The following SLC38A9 variants were observed in gnomAD, a reference collection of about 807,000 sequenced individuals.
SLC38A9 encodes the protein solute carrier family 38 member 9, also known as neutral amino acid transporter 9.
A neutral mutation model predicts 62.3 loss-of-function variants in SLC38A9; 48 were observed. The observed-to-expected ratio is 0.77, with a 90% CI of 0.61 to 0.98. The LOEUF is 0.98. Among genes scored for constraint, SLC38A9 ranks in the 50% least tolerant of loss-of-function variants. The probability of loss-of-function intolerance (pLI) is 0.00; values close to 1 mark genes in which losing one functional copy is unlikely to be tolerated. For missense variants in SLC38A9, 541 were observed against 679.8 expected, an observed-to-expected ratio of 0.80 and a Z score of 2.27; for synonymous variants, 204 against 227.7, an observed-to-expected ratio of 0.90 and a Z score of 0.94.
intron 10 of SLC38A9, among the ~76,000 whole-genome samples, chr5:55,651,032 C>G (rs1364428324): frequency 6.6e-6 from 1 of 152,054 alleles, no homozygotes; most frequent in East Asian, 1.9e-4. Flanking sequence ...CTCAGGTGAT[C>G]TGCCTGCCTC....
At chr5:55,690,891 TTC>T (rs1180557378) in intron 3 of SLC38A9, among the ~76,000 whole-genome samples, 91 of 152,368 alleles carry the variant, frequency 6.0e-4, no homozygotes, top group African/African-American at 2.1e-3. Flanking sequence ...AATCCTTTTA[TTC>T]TCTCAAATTC....
intron 3 of SLC38A9, chr5:55,692,828 G>T: frequency 1.0e-6 from 1 of 983,400 alleles, no homozygotes. Flanking sequence ...ATTCAAGTCA[G>T]CATTCATTAG....
intron 12 of SLC38A9, among the ~76,000 whole-genome samples, chr5:55,641,154 T>C (rs924875625): frequency 6.6e-6 from 1 of 152,212 alleles, no homozygotes; most frequent in African/African-American, 2.4e-5. Context: ...TCTTTTAAAG[T>C]ACATTGCAAT....
rs74474359 is a variant in SLC38A9 at position 55,652,865 on chromosome 5, T to C, written c.758-142A>G. 2,557 of 575,012 alleles carry C rather than the reference T, an allele frequency of 4.4e-3. 55 individuals are homozygous for C. Among genetic ancestry groups the C allele is most frequent in the African/African-American group, 0.043 (2,342 of 54,430 alleles). 35.6% of individuals were successfully genotyped at this position (575,012 alleles called of 1,614,324 possible). On this transcript the variant is annotated intron_variant, in intron 9 of 15. Coordinates refer to ENST00000396865, the MANE Select transcript of SLC38A9 (RefSeq NM_173514.4). The stretch of plus-strand genomic sequence containing the variant: ...CCTAGGAGCCTAAATTTCTCTTTTC[T>C]GGAAAAAATAGAGGGTTAATTTTAG...
At chr5:55,675,058 A>G (rs1751888250) in intron 3 of SLC38A9, among the ~76,000 whole-genome samples, 1 of 152,258 alleles carries the variant, frequency 6.6e-6, no homozygotes, top group African/African-American at 2.4e-5. Context: ...GTCATGGATT[A>G]CCAAAAGAGA....
At chr5:55,677,948 G>GTGTGTGTGTGTGTGTGTA (rs1752381784) in intron 3 of SLC38A9, among the ~76,000 whole-genome samples, 1 of 148,976 alleles carries the variant, frequency 6.7e-6, no homozygotes. Flanking sequence ...GTGTGTGTGT[G>GTGTGTGTGTGTGTGTGTA]TGTGTGTGTG....
In SLC38A9 at chr5:55,671,470, A is replaced by G. The variant is rs116141464; in HGVS notation, c.246+1093T>C. ...GAATAATGCTAAATAAGAAACTACT[A>G]TATTTATGTGTACATATTTCAGTTT... On this transcript the variant is annotated intron_variant, in intron 4 of 15. Coordinates refer to ENST00000396865, the MANE Select transcript of SLC38A9 (RefSeq NM_173514.4). Among the ~76,000 whole-genome samples, 283 of 149,756 alleles carry G rather than the reference A, an allele frequency of 1.9e-3. 1 individual carries two copies. Among genetic ancestry groups the G allele is most frequent in the African/African-American group, 6.6e-3 (272 of 40,912 alleles).
chr5:55,686,966 T>C (rs972299687), intron 3 of SLC38A9, among the ~76,000 whole-genome samples: 2 of 152,122 alleles, frequency 1.3e-5, no homozygotes, highest in Non-Finnish European at 2.9e-5. Flanking sequence ...TCCTGTTCCA[T>C]TGGTCTGTGG....
At chr5:55,651,960 C>CAA (rs757551549) in intron 10 of SLC38A9, among the ~76,000 whole-genome samples, 1,516 of 84,076 alleles carry the variant, frequency 0.018, 15 homozygotes, top group Middle Eastern at 0.029. Context: ...ATTCATGTCT[C>CAA]AAAAAAAAAA....
intron 3 of SLC38A9, among the ~76,000 whole-genome samples, 174 bp downstream of exon 3, chr5:55,697,672 A>ACC (rs112849272): frequency 1.4e-5 from 2 of 146,718 alleles, no homozygotes; most frequent in Admixed American, 1.4e-4. Context: ...AAAAAAAAAA[A>ACC]AAATATAAAC....
chr5:55,707,251 G>T (rs1312234394), intron 2 of SLC38A9, among the ~76,000 whole-genome samples: 1 of 152,154 alleles, frequency 6.6e-6, no homozygotes, highest in South Asian at 2.1e-4. Context: ...TGATGACTTA[G>T]GTTGAGAGGT....
intron 7 of SLC38A9, among the ~76,000 whole-genome samples, chr5:55,665,981 A>T (rs899674042): frequency 1.3e-5 from 2 of 152,216 alleles, no homozygotes; most frequent in Non-Finnish European, 2.9e-5. Flanking sequence ...AAATATTTTT[A>T]GAAGAGTATT....
At chr5:55,636,532 T>G (rs1379166468) in intron 12 of SLC38A9, among the ~76,000 whole-genome samples, 2 of 152,218 alleles carry the variant, frequency 1.3e-5, no homozygotes, top group Non-Finnish European at 2.9e-5. Context: ...CAAAAATTAC[T>G]CTGAAAGCTA....
At chr5:55,679,135 T>C (rs548725786) in intron 3 of SLC38A9, among the ~76,000 whole-genome samples, 91 of 94,914 alleles carry the variant, frequency 9.6e-4, no homozygotes, top group African/African-American at 2.7e-3. Context: ...TTATGTTTTA[T>C]AGAGTATATA....
intron 11 of SLC38A9, among the ~76,000 whole-genome samples, chr5:55,648,614 G>GA (rs1185204717): frequency 7.9e-5 from 12 of 151,938 alleles, no homozygotes; most frequent in Non-Finnish European, 1.3e-4. Context: ...AAATCAGTAT[G>GA]AAAAAAACAG....
rs1554062822 is a variant in SLC38A9 at position 55,677,926 on chromosome 5, T to TGTGTGTGTG, written c.114-5232_114-5231insCACACACAC. On this transcript the variant is annotated intron_variant, in intron 3 of 15. Transcript: ENST00000396865. Reference sequence around the variant, plus strand: ...TAAATCAATACTTTTTTTTTCTTTATTGTGTGTGTGTGTGTGTGTGTGTGT... The same window carrying TGTGTGTGTG: ...TAAATCAATACTTTTTTTTTCTTTATGTGTGTGTGTGTGTGTGTGTGTGTGTGTGTGTGT... 9.3e-3 allele frequency among the ~76,000 whole-genome samples: 1,044 copies of TGTGTGTGTG among 112,176 alleles called. 73 individuals carry two copies. Among genetic ancestry groups the TGTGTGTGTG allele is most frequent in the South Asian group, 0.019 (59 of 3,034 alleles). 73.6% of individuals were successfully genotyped at this position (112,176 alleles called of 152,430 possible). A position where few individuals can be genotyped will look rare whatever the true frequency, so the allele number is the denominator to read the frequency against.
chr5:55,646,958 A>T (rs1746469700), intron 11 of SLC38A9, among the ~76,000 whole-genome samples: 1 of 152,100 alleles, frequency 6.6e-6, no homozygotes, highest in African/African-American at 2.4e-5. Flanking sequence ...GGGTCTCACC[A>T]TGTTGTCCAG....
At position 55,669,629 on chromosome 5, in the gene SLC38A9, A is replaced by C; in HGVS notation, c.369-9T>G. 4 of 1,607,562 alleles carry C rather than the reference A, an allele frequency of 2.5e-6. No individual in the cohort carries two copies. The highest frequency in any genetic ancestry group is 3.4e-6 in the Non-Finnish European group (4 of 1,175,796). ...TATTCCAAATCATAAAACTGAAAAC[A>C]CAGAGTAATAGCAGTAAAAAAATGG... On this transcript the variant is annotated splice_polypyrimidine_tract_variant and intron_variant, in intron 5 of 15. Coordinates refer to ENST00000396865, the MANE Select transcript of SLC38A9 (RefSeq NM_173514.4).
intron 3 of SLC38A9, among the ~76,000 whole-genome samples, chr5:55,677,911 CTTTT>C (rs1219466495): frequency 2.1e-5 from 1 of 47,866 alleles, no homozygotes; most frequent in African/African-American, 5.3e-5. Flanking sequence ...TAAATCAATA[CTTTT>C]TTTTTCTTTA....
Sources: allele counts gnomAD v4.1 joint callset (sites outside exome capture counted in the v4.1 genomes callset), GRCh38; gene constraint gnomAD v4.1.1; transcripts MANE v1.5; gene names NCBI Gene and HGNC (gene_info 2026-07-23, HGNC 2026-07-21).